CTBP1: variants seen among roughly 807,000 people sequenced by gnomAD.
CTBP1 encodes C-terminal-binding protein 1.
In CTBP1, 11 loss-of-function variants were observed where a neutral mutation model predicts 42.1. That is an observed-to-expected ratio of 0.26 (90% CI 0.16 to 0.43). The LOEUF is 0.43. Ranked by LOEUF, CTBP1 falls within the 20% of genes least tolerant of loss-of-function variation. The probability of loss-of-function intolerance (pLI) is 1.00; values close to 1 mark genes in which losing one functional copy is unlikely to be tolerated. For synonymous variants in CTBP1, 324 were observed against 277.1 expected (o/e 1.17, Z -1.68); for missense variants, 399 against 624.3 (o/e 0.64, Z 3.85).
chr4:1,214,456 G>A lies in CTBP1; in HGVS notation c.747C>T (p.Phe249=). 2 of 1,590,628 alleles carry A rather than the reference G, an allele frequency of 1.3e-6. No homozygotes were observed. The highest frequency in any genetic ancestry group is 1.4e-5 in the African/African-American group (1 of 73,410). ...FTVKQMRQGA[F]LVNTARGGLV... The stretch of plus-strand genomic sequence containing the variant: ...GGCCACCCCGGGCTGTGTTCACCAG[G>A]AAGGCCCCTTGTCTCATCTAGAAGA... Residue 249 remains phenylalanine, a synonymous_variant, in exon 7 of 10, where the codon TTC becomes TTT. Transcript: ENST00000382952.
chr4:1,242,180 C>G (rs1476675456), intron 1 of CTBP1: 9 of 985,340 alleles, frequency 9.1e-6, no homozygotes, highest in Non-Finnish European at 1.1e-5. Context: ...ACCCCAGTGG[C>G]TGAATGCACA....
intron 1 of CTBP1, among the ~76,000 whole-genome samples, chr4:1,248,090 C>T (rs1732930734): frequency 6.6e-6 from 1 of 152,210 alleles, no homozygotes; most frequent in South Asian, 2.1e-4. Context: ...AGGCTCCGCG[C>T]AGCGGCTCGG....
At chr4:1,224,229 T>C (rs1730068893) in intron 5 of CTBP1, among the ~76,000 whole-genome samples, 1 of 152,222 alleles carries the variant, frequency 6.6e-6, no homozygotes, top group Non-Finnish European at 1.5e-5. Context: ...TATGGTGTGA[T>C]ATCCATGTGT....
intron 3 of CTBP1, among the ~76,000 whole-genome samples, chr4:1,230,942 G>C (rs1730902874): frequency 6.6e-6 from 1 of 152,260 alleles, no homozygotes; most frequent in Non-Finnish European, 1.5e-5. Flanking sequence ...TCCCCGACGA[G>C]GCTTTCATCA....
intron 3 of CTBP1, among the ~76,000 whole-genome samples, chr4:1,230,387 G>T (rs990713166): frequency 1.3e-5 from 2 of 152,194 alleles, no homozygotes; most frequent in Admixed American, 1.3e-4. Context: ...CAAAGCAGCC[G>T]CAGCTAAGAG....
At chr4:1,217,238 T>TGGGAGGCC in intron 5 of CTBP1, 1 of 152,230 alleles carries the variant, frequency 6.6e-6, no homozygotes. Context: ...TGGGGGAGGC[T>TGGGAGGCC]GGGAGGCCAG....
chr4:1,216,190 G>C lies in CTBP1; in HGVS notation c.530C>G (p.Ala177Gly). The C allele has an allele frequency of 6.2e-7, 1 of 1,610,208 alleles. No homozygotes were observed. Among genetic ancestry groups the C allele is most frequent in the Non-Finnish European group, 8.5e-7 (1 of 1,179,624 alleles). ...GIIGLGRVGQ[A>G]VALRAKAFGF... ...GAAGGCCTTGGCCCGCAGCGCCACT[G>C]CCTGCCCCACGCGACCTGGTGGCGT... Residue 177 changes from alanine to glycine, a missense_variant, in exon 6 of 10, where the codon GCA (alanine) becomes GGA (glycine). Physicochemically the swap from Ala to Gly is moderately conservative, Grantham distance 60. Around this residue, in one of 4 missense-constraint regions of CTBP1, gnomAD observed 309 missense variants for 497.5 expected, o/e 0.62. Transcript: ENST00000382952.
chr4:1,241,737 C>T (rs1202886498), intron 1 of CTBP1: 7 of 1,200,714 alleles, frequency 5.8e-6, no homozygotes, highest in Non-Finnish European at 7.4e-6. Flanking sequence ...CAGTGCCAGG[C>T]CCGAGGCCGC....
chr4:1,231,992 C>T (rs1440476205), intron 3 of CTBP1, among the ~76,000 whole-genome samples: 1 of 152,272 alleles, frequency 6.6e-6, no homozygotes, highest in African/African-American at 2.4e-5. Flanking sequence ...CCACCGCCCT[C>T]ATCCATTTTC....
rs545219814 is a variant in CTBP1 at position 1,235,401 on chromosome 4, G to T, written c.162+2782C>A. ...TTTTCTTCCGTCCATTTTGGAAAGG[G>T]TTTTGCTGTCATCATCACTTCCAAC... is the stretch of plus-strand genomic sequence containing the variant. On this transcript the variant is annotated intron_variant, in intron 3 of 9. Transcript: ENST00000382952. The surrounding 1 kb of genome is among the most constrained non-coding windows in gnomAD (Gnocchi z 4.2). 1 of 152,192 alleles carries T rather than the reference G, an allele frequency of 6.6e-6. No individual in the cohort carries two copies. The highest frequency in any genetic ancestry group is 1.5e-5 in the Non-Finnish European group (1 of 68,046). 9.4% of individuals were successfully genotyped at this position (152,192 alleles called of 1,614,324 possible).
upstream of CTBP1, chr4:1,250,010 C>T (rs1448470544): frequency 6.3e-6 from 1 of 159,896 alleles, no homozygotes; most frequent in Non-Finnish European, 1.4e-5. Flanking sequence ...AGGGATATTC[C>T]TCGCGCCGCG....
chr4:1,225,647 G>A (rs1188930406), intron 4 of CTBP1, 81 bp from the exon 5 acceptor site: 45 of 1,390,168 alleles, frequency 3.2e-5, no homozygotes, highest in South Asian at 3.0e-4. Context: ...TGACTGGAGC[G>A]GGTTTGAAGC....
intron 1 of CTBP1, chr4:1,245,274 C>A: frequency 1.0e-6 from 1 of 985,456 alleles, no homozygotes; most frequent in Non-Finnish European, 1.2e-6. Flanking sequence ...CATGGATTTG[C>A]CAGCAAGATT....
At chr4:1,242,641 T>C (rs553671171) in intron 1 of CTBP1, 1 of 985,230 alleles carries the variant, frequency 1.0e-6, no homozygotes, top group East Asian at 1.1e-4. Flanking sequence ...CCAACACCAC[T>C]CCTCATGGCA....
Position 1,235,566 on chromosome 4 carries a change from G to GATCAGTT in CTBP1, c.162+2616_162+2617insAACTGAT. ...CCCCTCAGTTCCACCGATCAGCTTCGCCGTTTTCTCAGATCCGCATCTCAT... is the reference window on the plus strand; with the variant it reads ...CCCCTCAGTTCCACCGATCAGCTTCGATCAGTTCCGTTTTCTCAGATCCGCATCTCAT... On this transcript the variant is annotated intron_variant, in intron 3 of 9. Transcript: ENST00000382952. The surrounding 1 kb of genome is among the most constrained non-coding windows in gnomAD (Gnocchi z 4.2). 6.6e-6 allele frequency: 1 copy of GATCAGTT among 152,076 alleles called. No homozygotes were observed. Among genetic ancestry groups the GATCAGTT allele is most frequent in the Non-Finnish European group, 1.5e-5 (1 of 68,038 alleles). 9.4% of individuals were successfully genotyped at this position (152,076 alleles called of 1,614,324 possible).
chr4:1,243,626 C>G, intron 1 of CTBP1: 2 of 985,440 alleles, frequency 2.0e-6, no homozygotes, highest in Non-Finnish European at 2.4e-6. Context: ...AGCCAGTGTC[C>G]GAGTCCTGGA....
chr4:1,224,629 G>A (rs1730128354), intron 5 of CTBP1, among the ~76,000 whole-genome samples: 2 of 151,206 alleles, frequency 1.3e-5, no homozygotes, highest in South Asian at 4.2e-4. Context: ...TATGTGTGCT[G>A]TGGTGTTGTG....
intron 1 of CTBP1, 106 bp downstream of exon 1, chr4:1,248,810 G>A (rs1375195705): frequency 6.4e-6 from 6 of 932,614 alleles, no homozygotes; most frequent in African/African-American, 1.8e-5. Flanking sequence ...CAAAGCCGGC[G>A]GCCCGCGGGC....
chr4:1,223,441 C>T lies in CTBP1; in HGVS notation c.514+1919G>A, dbSNP rs1403977631. The T allele has an allele frequency of 2.6e-5, 12 of 456,064 alleles. No individual in the cohort carries two copies. In the East Asian group the frequency reaches 6.2e-4, roughly 24 times the overall value. The allele number at this position is 456,064 out of a possible 1,614,324, so 28.3% of individuals were successfully genotyped here. On this transcript the variant is annotated intron_variant, in intron 5 of 9. Transcript: ENST00000382952. ...ACTAACCTAGGTGTGGCCGCCTCAC[C>T]GAGACCACCCGAAACGTCCGATTCC...
Sources: allele counts gnomAD v4.1 joint callset (sites outside exome capture counted in the v4.1 genomes callset), GRCh38; gene constraint gnomAD v4.1.1; regional missense constraint gnomAD v4.1.1; non-coding constraint Gnocchi (gnomAD v3.1); transcripts MANE v1.5; gene names NCBI Gene and HGNC (gene_info 2026-07-23, HGNC 2026-07-21).